Variants in OLA1 observed in about 807,000 individuals in gnomAD.
OLA1 encodes the protein Obg like ATPase 1, also known as obg-like ATPase 1.
In OLA1, 14 loss-of-function variants were observed where a neutral mutation model predicts 48.4. The ratio of observed to expected loss-of-function variants is 0.29; its 90% CI spans 0.19 to 0.45. The LOEUF is 0.45. OLA1 is among the 20% of genes least tolerant of loss of function. OLA1 has a pLI of 1.00. For synonymous variants in OLA1, 127 were observed against 150.4 expected (o/e 0.84, Z 1.14); for missense variants, 325 against 467.1 (o/e 0.70, Z 2.80).
At chr2:174,188,371 A>AAATAACAAT (rs1687702389) in intron 4 of OLA1, among the ~76,000 whole-genome samples, 1 of 149,260 alleles carries the variant, frequency 6.7e-6, no homozygotes, top group Non-Finnish European at 1.5e-5. Flanking sequence ...TTCCTCCTAA[A>AAATAACAAT]AATAATAATA....
At chr2:174,196,946 GATA>G (rs141245581) in intron 4 of OLA1, among the ~76,000 whole-genome samples, 10,475 of 152,226 alleles carry the variant, frequency 0.069, 480 homozygotes, top group Non-Finnish European at 0.1. Context: ...ACAATGTATT[GATA>G]TATTACCAAT....
chr2:174,153,697 A>G (rs1327728149), intron 4 of OLA1, among the ~76,000 whole-genome samples: 1 of 152,230 alleles, frequency 6.6e-6, no homozygotes, highest in African/African-American at 2.4e-5. Flanking sequence ...CAATTGCTCA[A>G]GGGTTTTAAA....
intron 7 of OLA1, among the ~76,000 whole-genome samples, chr2:174,102,747 T>C (rs925762827): frequency 5.3e-5 from 8 of 152,206 alleles, no homozygotes; most frequent in African/African-American, 1.9e-4. Flanking sequence ...TGCCATTTCA[T>C]TTACTACTTA....
At chr2:174,208,915 A>G (rs1174089677) in intron 4 of OLA1, among the ~76,000 whole-genome samples, 1 of 152,216 alleles carries the variant, frequency 6.6e-6, no homozygotes, top group Non-Finnish European at 1.5e-5. Flanking sequence ...TAAAAACACT[A>G]CCATCAACTC....
rs143384769 is a variant in OLA1, at chr2:174,198,919, T to C, written c.373+24114A>G. The stretch of plus-strand genomic sequence containing the variant: ...GTAATTGTGGGAAAAACTGCTAGTA[T>C]CTTAGCATGAATCAAGGTCATATTG... On this transcript the variant is annotated intron_variant, in intron 4 of 10. Transcript: ENST00000284719. Among the ~76,000 whole-genome samples the C allele has an allele frequency of 2.2e-4, 34 of 152,324 alleles. 1 individual carries two copies. The East Asian group carries it at 6.6e-3, about 29-fold the overall frequency.
intron 7 of OLA1, among the ~76,000 whole-genome samples, chr2:174,105,870 C>T (rs191304875): frequency 5.5e-4 from 84 of 152,042 alleles, no homozygotes; most frequent in Admixed American, 7.9e-4. Context: ...AAAGACTTAA[C>T]GAGTATCTTC....
chr2:174,230,345 TA>T (rs949306172), intron 2 of OLA1, among the ~76,000 whole-genome samples: 5 of 152,188 alleles, frequency 3.3e-5, no homozygotes, highest in Admixed American at 6.5e-5. Context: ...TTAAAGTGGT[TA>T]CCGTGTCTTT....
chr2:174,222,355 G>T (rs1227636872), intron 4 of OLA1, among the ~76,000 whole-genome samples: 10 of 151,978 alleles, frequency 6.6e-5, no homozygotes. Context: ...AGACACAGCT[G>T]GCCCTCTCAC....
chr2:174,202,552 C>T (rs1688014516), intron 4 of OLA1, among the ~76,000 whole-genome samples: 1 of 152,140 alleles, frequency 6.6e-6, no homozygotes, highest in Non-Finnish European at 1.5e-5. Context: ...TACCAAGTGC[C>T]ACTAGTGATG....
At chr2:174,229,246 A>C (rs1441889668) in intron 3 of OLA1, 62 bp downstream of exon 3, 3 of 1,474,346 alleles carry the variant, frequency 2.0e-6, no homozygotes, top group Non-Finnish European at 2.8e-6. Flanking sequence ...CTTCTATATG[A>C]CTTTAAACAT....
intron 4 of OLA1, among the ~76,000 whole-genome samples, chr2:174,191,941 T>C (rs1403635484): frequency 6.6e-6 from 1 of 152,194 alleles, no homozygotes; most frequent in African/African-American, 2.4e-5. Flanking sequence ...GGCAGCAGTT[T>C]GCCAATCCCT....
At chr2:174,082,091 A>G in intron 7 of OLA1, 27 bp from the exon 8 acceptor site, 1 of 1,611,632 alleles carries the variant, frequency 6.2e-7, no homozygotes, top group Non-Finnish European at 8.5e-7. Context: ...GCACAACATT[A>G]TCTTGTAGTG....
chr2:174,204,650 T>A (rs1688069128), intron 4 of OLA1, among the ~76,000 whole-genome samples: 1 of 152,042 alleles, frequency 6.6e-6, no homozygotes, highest in Admixed American at 6.6e-5. Flanking sequence ...CGTACACCAT[T>A]GAGACAATGA....
chr2:174,181,060 C>A (rs1436813141), intron 4 of OLA1, among the ~76,000 whole-genome samples: 1 of 152,092 alleles, frequency 6.6e-6, no homozygotes, highest in Non-Finnish European at 1.5e-5. Flanking sequence ...ACTCATTCAA[C>A]AAATATTGAA....
At chr2:174,225,234 C>T (rs931413919) in intron 3 of OLA1, among the ~76,000 whole-genome samples, 1 of 152,142 alleles carries the variant, frequency 6.6e-6, no homozygotes. Context: ...ACCCACTCCC[C>T]TTTTCATCTT....
intron 4 of OLA1, among the ~76,000 whole-genome samples, chr2:174,216,865 T>C (rs1036660215): frequency 2.6e-5 from 4 of 152,112 alleles, no homozygotes; most frequent in African/African-American, 9.7e-5. Context: ...TTGAAAACAT[T>C]TTCTTTTCTC....
At chr2:174,238,351 C>A (rs1688908295) in intron 2 of OLA1, among the ~76,000 whole-genome samples, 1 of 151,714 alleles carries the variant, frequency 6.6e-6, no homozygotes, top group South Asian at 2.1e-4. Context: ...ACAAAAATTA[C>A]CTGGTGGTGG....
chr2:174,163,697 AAAAT>A lies in OLA1; in HGVS notation c.374-21701_374-21698del, dbSNP rs1338891448. On this transcript the variant is annotated intron_variant, in intron 4 of 10. Transcript: ENST00000284719. ...AAGAACGAGACCTTGTCTCAAAAATAAAATAAATAAATAAATATATATATATATA... is the reference window on the plus strand; with the variant it reads ...AAGAACGAGACCTTGTCTCAAAAATAAAATAAATAAATATATATATATATA... Among the ~76,000 whole-genome samples, 396 of 64,024 alleles carry A rather than the reference AAAAT, an allele frequency of 6.2e-3. 21 individuals are homozygous for A. The highest frequency in any genetic ancestry group is 0.022 in the African/African-American group (311 of 14,446). 42.0% of individuals were successfully genotyped at this position (64,024 alleles called of 152,430 possible). A position where few individuals can be genotyped will look rare whatever the true frequency, so the allele number is the denominator to read the frequency against.
intron 4 of OLA1, among the ~76,000 whole-genome samples, chr2:174,186,888 A>C (rs1348511137): frequency 6.6e-6 from 1 of 152,202 alleles, no homozygotes; most frequent in Non-Finnish European, 1.5e-5. Context: ...ATAAGACATG[A>C]AGAAACAAGG....
Sources: allele counts gnomAD v4.1 joint callset (sites outside exome capture counted in the v4.1 genomes callset), GRCh38; gene constraint gnomAD v4.1.1; transcripts MANE v1.5; gene names NCBI Gene and HGNC (gene_info 2026-07-23, HGNC 2026-07-21).